LRMDA: variants seen among roughly 807,000 people sequenced by gnomAD.
LRMDA encodes leucine rich melanocyte differentiation associated, also known as leucine-rich melanocyte differentiation-associated protein.
In LRMDA, 18 loss-of-function variants were observed where a neutral mutation model predicts 29.8. The ratio of observed to expected loss-of-function variants is 0.60; its 90% CI spans 0.42 to 0.90. The LOEUF (loss-of-function observed/expected upper bound fraction) is 0.90, where lower values mean the gene tolerates loss of function less well. Among genes scored for constraint, LRMDA ranks in the 40% least tolerant of loss-of-function variants. The pLI is 0.00. For missense variants in LRMDA, 273 were observed against 273.9 expected (o/e 1.00, Z 0.02); for synonymous variants, 125 against 109.4 (o/e 1.14, Z -0.89).
At chr10:75,448,217 A>G (rs1037501601) in intron 2 of LRMDA, among the ~76,000 whole-genome samples, 1 of 152,222 alleles carries the variant, frequency 6.6e-6, no homozygotes, top group Non-Finnish European at 1.5e-5. Flanking sequence ...ATTTGCCTCT[A>G]AGATAAGACA....
At chr10:76,151,296 C>T (rs921298998) in intron 5 of LRMDA, among the ~76,000 whole-genome samples, 11 of 152,148 alleles carry the variant, frequency 7.2e-5, no homozygotes, top group Non-Finnish European at 1.3e-4. Flanking sequence ...AACAGTTATG[C>T]GGCTTGCTAC....
At chr10:76,026,407 C>T (rs955722928) in intron 2 of LRMDA, among the ~76,000 whole-genome samples, 1 of 152,194 alleles carries the variant, frequency 6.6e-6, no homozygotes, top group Non-Finnish European at 1.5e-5. Context: ...GGACATTAGT[C>T]ATCTTCTGTG....
intron 6 of LRMDA, among the ~76,000 whole-genome samples, chr10:76,536,203 C>A (rs115503656): frequency 0.015 from 2,239 of 152,314 alleles, 63 homozygotes; most frequent in African/African-American, 0.051. Flanking sequence ...ATACCATTAT[C>A]ATACCTAAGA....
chr10:75,857,569 C>A (rs949168411), intron 2 of LRMDA, among the ~76,000 whole-genome samples: 3 of 152,158 alleles, frequency 2.0e-5, no homozygotes. Context: ...TGCCAGAGGG[C>A]CAATAAATAA....
At chr10:76,018,575 T>G (rs1847917448) in intron 2 of LRMDA, among the ~76,000 whole-genome samples, 1 of 150,908 alleles carries the variant, frequency 6.6e-6, no homozygotes, top group Non-Finnish European at 1.5e-5. Context: ...AAGTTTTTTT[T>G]TTTTTTTTTT....
chr10:76,525,592 G>A (rs1386693621), intron 6 of LRMDA, among the ~76,000 whole-genome samples: 1 of 138,110 alleles, frequency 7.2e-6, no homozygotes, highest in East Asian at 2.0e-4. Context: ...TCTTGTAAAT[G>A]GCAGGTAAGT....
chr10:75,842,416 T>C (rs1844556755), intron 2 of LRMDA, among the ~76,000 whole-genome samples: 1 of 152,206 alleles, frequency 6.6e-6, no homozygotes, highest in Admixed American at 6.5e-5. Flanking sequence ...AAGCCTGAAA[T>C]ATTTACTCTC....
intron 2 of LRMDA, among the ~76,000 whole-genome samples, chr10:75,691,193 T>TATAGATCTATATATCTATGTACATAG (rs1842150612): frequency 7.2e-6 from 1 of 139,406 alleles, no homozygotes; most frequent in Non-Finnish European, 1.5e-5. Flanking sequence ...TACATAGATA[T>TATAGATCTATATATCTATGTACATAG]ATATACACAC....
intron 6 of LRMDA, 119 bp from the exon 7 acceptor site, chr10:76,557,090 A>G (rs965866942): frequency 9.1e-6 from 7 of 771,668 alleles, no homozygotes; most frequent in Non-Finnish European, 1.6e-5. Flanking sequence ...CTGGAGCTTC[A>G]TCCACTTTCT....
intron 5 of LRMDA, among the ~76,000 whole-genome samples, chr10:76,204,657 C>T (rs74584091): frequency 0.064 from 9,752 of 152,294 alleles, 390 homozygotes; most frequent in Middle Eastern, 0.14. Context: ...CCCTAAGATA[C>T]AACACTTCTT....
intron 2 of LRMDA, among the ~76,000 whole-genome samples, chr10:75,896,933 G>A (rs879864738): frequency 2.0e-5 from 3 of 151,264 alleles, no homozygotes; most frequent in Non-Finnish European, 2.9e-5. Context: ...TCATTTTTTT[G>A]GTTGTAAAGT....
chr10:75,476,850 G>C (rs1844799714), intron 2 of LRMDA, among the ~76,000 whole-genome samples: 1 of 152,160 alleles, frequency 6.6e-6, no homozygotes, highest in African/African-American at 2.4e-5. Flanking sequence ...AGTCCAAGAT[G>C]AAAGTGTCAG....
At chr10:75,762,052 A>G (rs552782134) in intron 2 of LRMDA, among the ~76,000 whole-genome samples, 9 of 152,164 alleles carry the variant, frequency 5.9e-5, no homozygotes, top group Non-Finnish European at 1.3e-4. Flanking sequence ...AGCTCAAATG[A>G]TCTTCCCACC....
intron 5 of LRMDA, among the ~76,000 whole-genome samples, chr10:76,119,309 G>A (rs987361584): frequency 6.6e-6 from 1 of 152,028 alleles, no homozygotes; most frequent in Admixed American, 6.5e-5. Flanking sequence ...TAAATGGCAG[G>A]GCAGCATAGA....
chr10:75,438,340 A>G (rs756001308), intron 1 of LRMDA, 54 bp from the exon 2 acceptor site: 12 of 1,360,172 alleles, frequency 8.8e-6, no homozygotes, highest in Non-Finnish European at 1.1e-5. Flanking sequence ...CAGGGTTGGG[A>G]GCAGCTGGGT....
intron 2 of LRMDA, among the ~76,000 whole-genome samples, chr10:75,586,648 G>T (rs1016896099): frequency 6.6e-6 from 1 of 151,786 alleles, no homozygotes; most frequent in African/African-American, 2.4e-5. Flanking sequence ...CCTGTCTTTT[G>T]TTTTTTTGAT....
intron 2 of LRMDA, among the ~76,000 whole-genome samples, chr10:75,979,992 C>T (rs2132447984): frequency 6.6e-6 from 1 of 152,104 alleles, no homozygotes; most frequent in African/African-American, 2.4e-5. Context: ...TCTCTTTCTT[C>T]TTTTAATAGA....
intron 2 of LRMDA, among the ~76,000 whole-genome samples, chr10:75,700,133 G>A (rs1315239298): frequency 6.6e-6 from 1 of 152,062 alleles, no homozygotes; most frequent in Non-Finnish European, 1.5e-5. Context: ...ATGCCATCAA[G>A]TTTGGGATAA....
At chr10:75,620,253 A>G (rs1219645254) in intron 2 of LRMDA, among the ~76,000 whole-genome samples, 2 of 152,216 alleles carry the variant, frequency 1.3e-5, no homozygotes, top group African/African-American at 4.8e-5. Flanking sequence ...ATTGAAAGAG[A>G]TGTACCTGTT....
Sources: gnomAD v4.1 joint callset for allele counts (sites outside exome capture counted in the v4.1 genomes callset) on GRCh38, gnomAD v4.1.1 for gene constraint, MANE v1.5 for transcripts, NCBI Gene and HGNC (gene_info 2026-07-23, HGNC 2026-07-21) for gene names.